CTNNA2: variants seen among roughly 807,000 people sequenced by gnomAD.
CTNNA2 encodes catenin alpha-2.
Under a neutral mutation model 101.0 loss-of-function variants are expected in CTNNA2, and 42 were observed. That is an observed-to-expected ratio of 0.42 (90% confidence interval 0.32 to 0.54). CTNNA2 has a LOEUF of 0.54. Ranked by LOEUF, CTNNA2 falls within the 20% of genes least tolerant of loss-of-function variation. The pLI is 0.14. For missense variants in CTNNA2, 871 were observed against 1,223.1 expected (o/e 0.71, Z 4.29); for synonymous variants, 450 against 456.4 (o/e 0.99, Z 0.18).
chr2:80,003,248 C>A (rs1041712585), intron 7 of CTNNA2, among the ~76,000 whole-genome samples: 1 of 152,098 alleles, frequency 6.6e-6, no homozygotes, highest in South Asian at 2.1e-4. Flanking sequence ...TCATCTTTAC[C>A]ATTGTATGCA....
At chr2:80,051,909 T>A (rs1438846008) in intron 7 of CTNNA2, among the ~76,000 whole-genome samples, 1 of 152,236 alleles carries the variant, frequency 6.6e-6, no homozygotes, top group Non-Finnish European at 1.5e-5. Flanking sequence ...CTCGTCATTT[T>A]CTTTTTGGTT....
intron 2 of CTNNA2, among the ~76,000 whole-genome samples, chr2:79,240,912 G>A (rs958685362): frequency 2.0e-5 from 3 of 152,026 alleles, no homozygotes; most frequent in African/African-American, 7.2e-5. Context: ...ATCTTCTTTG[G>A]GGACCCTGCC....
At chr2:79,187,191 T>C (rs767580570) in intron 1 of CTNNA2, among the ~76,000 whole-genome samples, 2 of 151,732 alleles carry the variant, frequency 1.3e-5, no homozygotes, top group Non-Finnish European at 2.9e-5. Flanking sequence ...AAGAAAAAAA[T>C]CTTAACACTG....
At chr2:79,215,236 T>C (rs898605241) in intron 2 of CTNNA2, among the ~76,000 whole-genome samples, 13 of 152,146 alleles carry the variant, frequency 8.5e-5, no homozygotes, top group Admixed American at 2.6e-4. Flanking sequence ...TCTTGGGCTG[T>C]GGGCATTCCT....
chr2:79,507,378 T>C (rs1226917008), intron 5 of CTNNA2, among the ~76,000 whole-genome samples: 1 of 152,146 alleles, frequency 6.6e-6, no homozygotes, highest in Non-Finnish European at 1.5e-5. Context: ...ATGCCATTAC[T>C]GAGGGTGTGG....
Position 80,574,317 on chromosome 2 carries a change from A to C in CTNNA2, c.1893+3A>C. On this transcript the variant is annotated splice_donor_region_variant and intron_variant, in intron 13 of 18. Transcript: ENST00000402739. ...GAAAGGCTGTGCTGATGATCAGGGTATGTGAGGCCTCTGTAGCTCAGAGCT... is the reference window on the plus strand; with the variant it reads ...GAAAGGCTGTGCTGATGATCAGGGTCTGTGAGGCCTCTGTAGCTCAGAGCT... 1 of 1,607,702 alleles carries C rather than the reference A, an allele frequency of 6.2e-7. No homozygotes were observed. Among genetic ancestry groups the C allele is most frequent in the Non-Finnish European group, 8.5e-7 (1 of 1,175,102 alleles).
rs113607011 is a variant in CTNNA2, at chr2:79,675,783, A to G, written c.102+24125A>G. The stretch of plus-strand genomic sequence containing the variant: ...TAGTTACTGAATAAGAATTTCCAGA[A>G]TTAATGCACGAATATGTTTCTGACC... On this transcript the variant is annotated intron_variant, in intron 2 of 18. Transcript: ENST00000402739. 1.1e-4 allele frequency among the ~76,000 whole-genome samples: 16 copies of G among 152,320 alleles called. 1 individual carries two copies. Among genetic ancestry groups the G allele is most frequent in the African/African-American group, 3.8e-4 (16 of 41,582 alleles).
intron 1 of CTNNA2, among the ~76,000 whole-genome samples, chr2:79,647,717 T>C (rs1225388859): frequency 6.6e-6 from 1 of 152,222 alleles, no homozygotes; most frequent in African/African-American, 2.4e-5. Flanking sequence ...ACCATTGTGT[T>C]AGCTATTGCT....
chr2:79,460,765 C>T (rs557112950), intron 4 of CTNNA2, among the ~76,000 whole-genome samples: 1 of 152,294 alleles, frequency 6.6e-6, no homozygotes, highest in South Asian at 2.1e-4. Context: ...ACACTACATA[C>T]ACCAGGAACA....
At chr2:80,322,510 G>T (rs931598741) in intron 7 of CTNNA2, among the ~76,000 whole-genome samples, 30 of 151,922 alleles carry the variant, frequency 2.0e-4, no homozygotes, top group Middle Eastern at 3.4e-3. Context: ...GGGCGGCTAC[G>T]CTCCCCGCGG....
chr2:79,957,130 A>G (rs1195725473), intron 7 of CTNNA2, among the ~76,000 whole-genome samples: 1 of 152,138 alleles, frequency 6.6e-6, no homozygotes, highest in Non-Finnish European at 1.5e-5. Flanking sequence ...TCATGCTTTA[A>G]AGGCTCACAT....
intron 1 of CTNNA2, among the ~76,000 whole-genome samples, chr2:79,579,871 T>C (rs1676041857): frequency 6.6e-6 from 1 of 152,024 alleles, no homozygotes; most frequent in African/African-American, 2.4e-5. Flanking sequence ...GCCTCGGCCT[T>C]CCAAAGTGCC....
intron 12 of CTNNA2, among the ~76,000 whole-genome samples, chr2:80,563,883 A>T (rs1162062052): frequency 6.6e-6 from 1 of 152,066 alleles, no homozygotes. Flanking sequence ...TTACGTTTAT[A>T]TCTGTCCTAG....
intron 6 of CTNNA2, among the ~76,000 whole-genome samples, chr2:79,884,875 C>T (rs777728834): frequency 8.6e-5 from 13 of 151,608 alleles, no homozygotes; most frequent in Admixed American, 5.3e-4. Context: ...GACTGGTGCA[C>T]GGAAAAATAA....
At chr2:80,058,312 A>C (rs1004528096) in intron 7 of CTNNA2, among the ~76,000 whole-genome samples, 3 of 152,244 alleles carry the variant, frequency 2.0e-5, no homozygotes, top group Admixed American at 6.5e-5. Flanking sequence ...TAAAGATCAT[A>C]CGTAGTTTTC....
intron 7 of CTNNA2, among the ~76,000 whole-genome samples, chr2:79,955,199 A>T (rs973697284): frequency 2.0e-5 from 3 of 152,148 alleles, no homozygotes; most frequent in African/African-American, 7.2e-5. Flanking sequence ...AGATCTCTTC[A>T]TCTTGATAAA....
At chr2:80,641,878 T>C (rs1034157417) in intron 18 of CTNNA2, among the ~76,000 whole-genome samples, 5 of 152,150 alleles carry the variant, frequency 3.3e-5, no homozygotes, top group Non-Finnish European at 7.4e-5. Context: ...ATTTAATCTT[T>C]GTAAAAACAG....
intron 7 of CTNNA2, among the ~76,000 whole-genome samples, chr2:80,046,224 C>T (rs1696513255): frequency 6.6e-6 from 1 of 152,142 alleles, no homozygotes; most frequent in Admixed American, 6.6e-5. Flanking sequence ...TGTGCCATGC[C>T]TCTCCTGAAC....
At chr2:79,756,319 A>G (rs1450620341) in intron 3 of CTNNA2, among the ~76,000 whole-genome samples, 1 of 152,240 alleles carries the variant, frequency 6.6e-6, no homozygotes, top group Non-Finnish European at 1.5e-5. Flanking sequence ...TACTTGTATA[A>G]TATGACACTG....
Sources: gnomAD v4.1 joint callset for allele counts (sites outside exome capture counted in the v4.1 genomes callset) on GRCh38, gnomAD v4.1.1 for gene constraint, MANE v1.5 for transcripts, NCBI Gene and HGNC (gene_info 2026-07-23, HGNC 2026-07-21) for gene names.